The following BCR variants were observed in gnomAD, a reference collection of about 807,000 sequenced individuals.
BCR encodes the protein BCR activator of RhoGEF and GTPase, also known as breakpoint cluster region protein.
A neutral mutation model predicts 138.6 loss-of-function variants in BCR; 58 were observed. The ratio of observed to expected loss-of-function variants is 0.42; its 90% CI spans 0.34 to 0.52. The LOEUF is 0.52. Ranked by LOEUF, BCR falls within the 20% of genes least tolerant of loss-of-function variation. The pLI, the probability that BCR is intolerant of heterozygous loss-of-function variation, is 0.06. For synonymous variants in BCR, 786 were observed against 730.1 expected, an observed-to-expected ratio of 1.08 and a Z score of -1.23; for missense variants, 1,599 against 1,727.2, an observed-to-expected ratio of 0.93 and a Z score of 1.32.
chr22:23,287,111 G>T, intron 10 of BCR, 48 bp from the exon 11 acceptor site: 1 of 1,560,088 alleles, frequency 6.4e-7, no homozygotes, highest in Non-Finnish European at 8.7e-7. Flanking sequence ...GGAGTGGGTT[G>T]TGTGGAGCGC....
intron 1 of BCR, among the ~76,000 whole-genome samples, chr22:23,232,338 C>T (rs139291120): frequency 2.6e-5 from 4 of 152,366 alleles, no homozygotes; most frequent in Non-Finnish European, 5.9e-5. Context: ...CATTAAGTAA[C>T]GTGCTAAGGT....
chr22:23,288,220 C>T, intron 12 of BCR, 48 bp downstream of exon 12: 1 of 1,554,638 alleles, frequency 6.4e-7, no homozygotes, highest in Non-Finnish European at 8.9e-7. Context: ...ACCATTAGGG[C>T]CAGGCTGGCA....
Position 23,181,109 on chromosome 22 carries a change from AC to A in BCR, c.151del (p.Gln51ArgfsTer6). The A allele has an allele frequency of 6.6e-7, 1 of 1,503,814 alleles. No individual in the cohort carries two copies. Among genetic ancestry groups the A allele is most frequent in the Non-Finnish European group, 8.9e-7 (1 of 1,118,854 alleles). The allele number at this position is 1,503,814 out of a possible 1,614,324, so 93.2% of individuals were successfully genotyped here. The stretch of plus-strand genomic sequence containing the variant: ...ATTCGGCGCCTGGAGCAGGAGGTGA[AC>A]CAGGAGCGCTTCCGCATGATCTACC... Reference protein sequence around the residue: ...ASIRRLEQEVNQERFRMIYLQ... With the variant: ...ASIRRLEQEVXQERFRMIYLQ... On this transcript the variant is annotated frameshift_variant, in exon 1 of 23. Coordinates refer to ENST00000305877, the MANE Select transcript of BCR (RefSeq NM_004327.4). LOFTEE classifies it high-confidence loss of function.
In BCR at chr22:23,316,635, G is replaced by A. The variant is rs180821; in HGVS notation, c.*1113G>A. ...GGCAGCATTTGGTCTTCCTCTAAGC[G>A]CCTGGCTCCGCTGTTCTCAGGAGTG... On this transcript the variant is annotated 3_prime_UTR_variant, in exon 23 of 23. Transcript: ENST00000305877. The A allele has an allele frequency of 0.078, 11,882 of 152,368 alleles. 372 individuals are homozygous for A. Among genetic ancestry groups the A allele is most frequent in the East Asian group, 0.39 (3,271 of 8,454 alleles). 9.4% of individuals were successfully genotyped at this position (152,368 alleles called of 1,614,324 possible).
chr22:23,201,014 G>A (rs1200388793), intron 1 of BCR, among the ~76,000 whole-genome samples: 6 of 152,234 alleles, frequency 3.9e-5, no homozygotes, highest in Non-Finnish European at 5.9e-5. Context: ...CTGAGAAGCC[G>A]TAGTCTCCTA....
chr22:23,181,978 T>G lies in BCR; in HGVS notation c.1018T>G (p.Ser340Ala). ...CTGCAGCTCCAATGAGAACCTCACC[T>G]CCAGCGAGGAGGACTTCTCCTCTGG... ...PDCSSNENLT[S>A]SEEDFSSGQS... Residue 340 changes from serine (S) to alanine (A), a missense_variant, in exon 1 of 23, where the codon TCC becomes GCC. By Grantham distance (99) the Ser-to-Ala change is moderately conservative (BLOSUM62 1). Coordinates refer to ENST00000305877, the MANE Select transcript of BCR (RefSeq NM_004327.4). 3 of 1,613,306 alleles carry G rather than the reference T, an allele frequency of 1.9e-6. No individual in the cohort carries two copies. The highest frequency in any genetic ancestry group is 2.5e-6 in the Non-Finnish European group (3 of 1,179,926).
intron 1 of BCR, among the ~76,000 whole-genome samples, chr22:23,238,295 G>A (rs2073048184): frequency 6.6e-6 from 1 of 152,074 alleles, no homozygotes; most frequent in South Asian, 2.1e-4. Context: ...AAGAGTTCCT[G>A]GCCACATAAT....
rs142408079 is a variant in BCR, at chr22:23,254,096, G to A, written c.1461+116G>A. 976 of 1,243,828 alleles carry A rather than the reference G, an allele frequency of 7.8e-4. 1 individual carries two copies. Among genetic ancestry groups the A allele is most frequent in the Non-Finnish European group, 9.9e-4 (907 of 917,444 alleles). The allele number at this position is 1,243,828 out of a possible 1,614,324, so 77.0% of individuals were successfully genotyped here. ...GTGGAGCAGCCAATGGTTTGGAAGC[G>A]AGTGGGTCACCAAAAACTCCTTCCT... On this transcript the variant is annotated intron_variant, in intron 2 of 22. Transcript: ENST00000305877.
chr22:23,313,076 G>A, intron 20 of BCR, 55 bp downstream of exon 20: 1 of 1,534,124 alleles, frequency 6.5e-7, no homozygotes, highest in Non-Finnish European at 8.8e-7. Flanking sequence ...GTGCACTGCT[G>A]CCCTTGGAGG....
chr22:23,180,655 C>T lies in BCR; in HGVS notation c.-306C>T, dbSNP rs1389875932. ...AGGCGAGGAGCGCGCGGGCCGTGGC[C>T]AGAGTCTGGCGGCGGCCTGGCGGAG... On this transcript the variant is annotated 5_prime_UTR_variant, in exon 1 of 23. Transcript: ENST00000305877. 1.3e-5 allele frequency: 2 copies of T among 157,870 alleles called. No homozygotes were observed. The highest frequency in any genetic ancestry group is 6.6e-5 in the Admixed American group (1 of 15,068). The allele number at this position is 157,870 out of a possible 1,614,324, so 9.8% of individuals were successfully genotyped here.
intron 1 of BCR, among the ~76,000 whole-genome samples, chr22:23,220,708 C>T (rs547616002): frequency 1.3e-5 from 2 of 152,230 alleles, no homozygotes; most frequent in African/African-American, 2.4e-5. Flanking sequence ...GTGTTGATTT[C>T]GGAGCTGGGC....
At chr22:23,296,446 A>T (rs1488865925) in intron 16 of BCR, among the ~76,000 whole-genome samples, 1 of 150,746 alleles carries the variant, frequency 6.6e-6, no homozygotes, top group Non-Finnish European at 1.5e-5. Flanking sequence ...TCCCTGAGTC[A>T]CCTGTCATCT....
intron 14 of BCR, among the ~76,000 whole-genome samples, chr22:23,291,846 C>G (rs1192000111): frequency 6.6e-6 from 1 of 152,206 alleles, no homozygotes; most frequent in South Asian, 2.1e-4. Context: ...GGCTGCCTGG[C>G]CAGGCCCTGG....
rs1406730358 is a variant in BCR, at chr22:23,285,170, C to T, written c.2375C>T (p.Ser792Phe). The change falls in exon 10 of 23, where the codon TCC (serine) becomes TTC (phenylalanine). Residue 792 changes from serine to phenylalanine, a missense_variant. By Grantham distance (155) the Ser-to-Phe change is radical. Transcript: ENST00000305877. ...CTGGACGCTTTGAAGATCAAGATCT[C>T]CCAGATCAAGAATGACATCCAGAGA... ...EELDALKIKI[S>F]QIKNDIQREK... 3 of 1,613,396 alleles carry T rather than the reference C, an allele frequency of 1.9e-6. No individual in the cohort carries two copies. Among genetic ancestry groups the T allele is most frequent in the Non-Finnish European group, 2.5e-6 (3 of 1,179,822 alleles).
chr22:23,202,151 GTTCT>G, intron 1 of BCR, among the ~76,000 whole-genome samples: 1 of 152,014 alleles, frequency 6.6e-6, no homozygotes. Context: ...ATTTCGAGTG[GTTCT>G]TTATGCAGCT....
intron 1 of BCR, among the ~76,000 whole-genome samples, chr22:23,186,436 A>G (rs1356215734): frequency 6.6e-6 from 1 of 152,230 alleles, no homozygotes; most frequent in Admixed American, 6.5e-5. Context: ...TTTTATCCAT[A>G]CAGTTCTGTG....
At chr22:23,256,912 A>T (rs2073301122) in intron 2 of BCR, among the ~76,000 whole-genome samples, 1 of 151,952 alleles carries the variant, frequency 6.6e-6, no homozygotes, top group East Asian at 1.9e-4. Flanking sequence ...TTGTGTTTGT[A>T]CCCACCTAGG....
chr22:23,186,078 G>A (rs926134432), intron 1 of BCR, among the ~76,000 whole-genome samples: 6 of 152,218 alleles, frequency 3.9e-5, no homozygotes, highest in African/African-American at 1.2e-4. Context: ...CCGGAAGAGA[G>A]GGAGAGGCAC....
In BCR at chr22:23,182,144, G is replaced by T. The variant is rs149419186; in HGVS notation, c.1184G>T (p.Cys395Phe). The T allele has an allele frequency of 6.2e-6, 10 of 1,610,034 alleles. No homozygotes were observed. Among genetic ancestry groups the T allele is most frequent in the Non-Finnish European group, 8.5e-6 (10 of 1,179,876 alleles). Residue 395 changes from cysteine to phenylalanine, a missense_variant, in exon 1 of 23, where the codon TGC (cysteine) becomes TTC (phenylalanine). By Grantham distance (205) the Cys-to-Phe change is radical (BLOSUM62 -2). Coordinates refer to ENST00000305877, the MANE Select transcript of BCR (RefSeq NM_004327.4). The part of the protein sequence containing the change: ...TPQCHKRHRH[C>F]PVVVSEATIV... Reference sequence around the variant, plus strand: ...CAGTGCCATAAGCGGCACCGGCACTGCCCGGTTGTCGTGTCCGAGGCCACC... The same window carrying T: ...CAGTGCCATAAGCGGCACCGGCACTTCCCGGTTGTCGTGTCCGAGGCCACC...
Sources: gnomAD v4.1 joint callset for allele counts (sites outside exome capture counted in the v4.1 genomes callset) on GRCh38, gnomAD v4.1.1 for gene constraint, MANE v1.5 for transcripts, NCBI Gene and HGNC (gene_info 2026-07-23, HGNC 2026-07-21) for gene names.